The following FOXP1 variants were observed in gnomAD, a reference collection of about 807,000 sequenced individuals.
FOXP1 encodes forkhead box P1, also known as forkhead box protein P1.
A neutral mutation model predicts 98.2 loss-of-function variants in FOXP1; 15 were observed. The observed-to-expected ratio is 0.15, with a 90% CI of 0.10 to 0.24. The LOEUF (loss-of-function observed/expected upper bound fraction) is 0.24, where lower values mean the gene tolerates loss of function less well. Ranked by LOEUF, FOXP1 falls within the 10% of genes least tolerant of loss-of-function variation. FOXP1 has a pLI of 1.00. For synonymous variants in FOXP1, 371 were observed against 314.5 expected (o/e 1.18, Z -1.90); for missense variants, 633 against 848.5 (o/e 0.75, Z 3.15).
chr3:71,479,288 A>G (rs2090091405), intron 3 of FOXP1, among the ~76,000 whole-genome samples: 1 of 152,344 alleles, frequency 6.6e-6, no homozygotes, highest in East Asian at 1.9e-4. Context: ...ATAATTCTTT[A>G]TGTGCCAGCT....
chr3:71,460,910 T>G (rs2088023411), intron 3 of FOXP1, among the ~76,000 whole-genome samples: 1 of 152,206 alleles, frequency 6.6e-6, no homozygotes, highest in Non-Finnish European at 1.5e-5. Context: ...ATTCCCTTCT[T>G]AGAACTGTCT....
chr3:71,180,890 G>C (rs1363326366), intron 6 of FOXP1, among the ~76,000 whole-genome samples: 1 of 152,042 alleles, frequency 6.6e-6, no homozygotes, highest in Non-Finnish European at 1.5e-5. Context: ...TTGTGTGTGG[G>C]GCCCCTTCAG....
chr3:71,337,414 T>C (rs1301285344), intron 4 of FOXP1, among the ~76,000 whole-genome samples: 1 of 152,184 alleles, frequency 6.6e-6, no homozygotes, highest in Admixed American at 6.5e-5. Context: ...TTTTATACAG[T>C]ATGGAAATAG....
rs540585708 is a variant in FOXP1 at position 71,419,778 on chromosome 3, C to A, written c.-167-60534G>T. Among the ~76,000 whole-genome samples, 6 of 152,092 alleles carry A rather than the reference C, an allele frequency of 3.9e-5. No homozygotes were observed. The South Asian group carries it at 1.2e-3, about 32-fold the overall frequency. On this transcript the variant is annotated intron_variant, in intron 3 of 20. Transcript: ENST00000649528. ...ACATGTACATACACATACATATATG[C>A]ACACACACACATTTTAGGAGCTAGG...
At chr3:71,437,265 G>C (rs1354614640) in intron 3 of FOXP1, among the ~76,000 whole-genome samples, 1 of 152,100 alleles carries the variant, frequency 6.6e-6, no homozygotes, top group African/African-American at 2.4e-5. Context: ...AAATTGGCCA[G>C]GCTTGGTGGT....
intron 5 of FOXP1, among the ~76,000 whole-genome samples, chr3:71,233,597 T>A (rs75180301): frequency 6.7e-6 from 1 of 150,108 alleles, no homozygotes; most frequent in Non-Finnish European, 1.5e-5. Context: ...TGACTCTTTT[T>A]TTTTTTTTTT....
chr3:71,197,765 C>A, intron 6 of FOXP1: 2 of 996,526 alleles, frequency 2.0e-6, no homozygotes, highest in Non-Finnish European at 1.5e-6. Context: ...TATTTCAACT[C>A]TCCTTACTCA....
At chr3:71,462,409 C>T (rs1577648806) in intron 3 of FOXP1, among the ~76,000 whole-genome samples, 2 of 152,282 alleles carry the variant, frequency 1.3e-5, no homozygotes, top group African/African-American at 4.8e-5. Context: ...CTTCAAACAA[C>T]ACCTTCCACC....
intron 2 of FOXP1, among the ~76,000 whole-genome samples, chr3:71,537,089 T>C (rs191429053): frequency 1.1e-4 from 16 of 152,228 alleles, no homozygotes; most frequent in Non-Finnish European, 1.5e-5. Context: ...AAGGTGCCAC[T>C]GGGGTTTTAA....
chr3:71,532,212 G>A (rs558415264), intron 2 of FOXP1, among the ~76,000 whole-genome samples: 3 of 152,182 alleles, frequency 2.0e-5, no homozygotes, highest in South Asian at 2.1e-4. Flanking sequence ...CAATCCTCCC[G>A]CCTCAGCCTC....
At chr3:71,151,271 A>C (rs1351020771) in intron 6 of FOXP1, among the ~76,000 whole-genome samples, 1 of 152,168 alleles carries the variant, frequency 6.6e-6, no homozygotes, top group South Asian at 2.1e-4. Flanking sequence ...TATTTTATTG[A>C]TCTTCTTTTG....
chr3:71,084,890 G>A (rs1333813692), intron 7 of FOXP1, among the ~76,000 whole-genome samples: 1 of 152,114 alleles, frequency 6.6e-6, no homozygotes, highest in Non-Finnish European at 1.5e-5. Context: ...AAAATTACCT[G>A]GGTGTGGTGT....
intron 3 of FOXP1, among the ~76,000 whole-genome samples, chr3:71,480,780 G>A (rs2090208351): frequency 6.6e-6 from 1 of 152,160 alleles, no homozygotes; most frequent in Non-Finnish European, 1.5e-5. Context: ...CCAAACCAGA[G>A]TGGGAAGCCC....
intron 4 of FOXP1, among the ~76,000 whole-genome samples, chr3:71,318,984 T>A (rs2075242191): frequency 2.0e-5 from 3 of 152,180 alleles, no homozygotes; most frequent in African/African-American, 7.2e-5. Context: ...AGGACATTCA[T>A]AAACAGAATA....
At chr3:71,351,070 T>C (rs971581821) in intron 4 of FOXP1, among the ~76,000 whole-genome samples, 2 of 152,092 alleles carry the variant, frequency 1.3e-5, no homozygotes, top group Non-Finnish European at 2.9e-5. Flanking sequence ...CTGCTAGAAC[T>C]CTTAAGAAAA....
chr3:71,350,252 T>C (rs906454238), intron 4 of FOXP1, among the ~76,000 whole-genome samples: 7 of 152,258 alleles, frequency 4.6e-5, no homozygotes, highest in Admixed American at 1.3e-4. Context: ...TGAATGTTAA[T>C]ATAGGGTTTA....
chr3:71,173,662 T>A (rs2061767614), intron 6 of FOXP1, among the ~76,000 whole-genome samples: 1 of 152,100 alleles, frequency 6.6e-6, no homozygotes, highest in Non-Finnish European at 1.5e-5. Context: ...ACTATGAATA[T>A]CTAGTAAGGA....
At chr3:71,341,134 C>A (rs2076982937) in intron 4 of FOXP1, among the ~76,000 whole-genome samples, 1 of 152,168 alleles carries the variant, frequency 6.6e-6, no homozygotes, top group African/African-American at 2.4e-5. Context: ...ACCAACCAAC[C>A]AGACATCCAT....
chr3:71,436,325 G>T (rs1218582041), intron 3 of FOXP1, among the ~76,000 whole-genome samples: 1 of 152,036 alleles, frequency 6.6e-6, no homozygotes, highest in Non-Finnish European at 1.5e-5. Context: ...ATGCAGCCTG[G>T]TATAAGCCAG....
Sources: allele counts gnomAD v4.1 joint callset (sites outside exome capture counted in the v4.1 genomes callset), GRCh38; gene constraint gnomAD v4.1.1; transcripts MANE v1.5; gene names NCBI Gene and HGNC (gene_info 2026-07-23, HGNC 2026-07-21).